CCM2: variants seen among roughly 807,000 people sequenced by gnomAD.
The protein encoded by CCM2 is CCM2 scaffold protein.
Under a neutral mutation model 44.9 loss-of-function variants are expected in CCM2, and 25 were observed. That is an observed-to-expected ratio of 0.56 (90% CI 0.41 to 0.78). The LOEUF is 0.78. CCM2 is among the 30% of genes least tolerant of loss of function. The pLI is 0.00. For synonymous variants in CCM2, 219 were observed against 241.1 expected (o/e 0.91, Z 0.85); for missense variants, 481 against 580.6 (o/e 0.83, Z 1.76).
At chr7:45,020,964 CTG>C (rs1437763428) in intron 1 of CCM2, among the ~76,000 whole-genome samples, 2 of 152,216 alleles carry the variant, frequency 1.3e-5, no homozygotes, top group African/African-American at 4.8e-5. Flanking sequence ...TTAGTGCCCA[CTG>C]TGTAAAGAGC....
chr7:45,070,323 G>C, intron 6 of CCM2: 1 of 385,820 alleles, frequency 2.6e-6, no homozygotes, highest in Non-Finnish European at 5.2e-6. Flanking sequence ...GCTGAGAGTG[G>C]GTCTGGGGAG....
chr7:45,050,583 T>A (rs1343661296), intron 2 of CCM2, among the ~76,000 whole-genome samples: 3 of 152,218 alleles, frequency 2.0e-5, no homozygotes, highest in African/African-American at 7.2e-5. Flanking sequence ...TCTTAAAATG[T>A]TTTCTCATTA....
At chr7:45,014,497 C>T (rs1469406778) in intron 1 of CCM2, among the ~76,000 whole-genome samples, 1 of 152,028 alleles carries the variant, frequency 6.6e-6, no homozygotes, top group Non-Finnish European at 1.5e-5. Context: ...ACTATCTTAA[C>T]CTTTTAATTT....
Position 45,027,526 on chromosome 7 carries a change from A to T in CCM2, c.31-10727A>T. 3 of 1,153,408 alleles carry T rather than the reference A, an allele frequency of 2.6e-6. No individual in the cohort carries two copies. The South Asian group carries it at 4.2e-5, about 16-fold the overall frequency. 71.4% of individuals were successfully genotyped at this position (1,153,408 alleles called of 1,614,324 possible). A position where few individuals can be genotyped will look rare whatever the true frequency, so the allele number is the denominator to read the frequency against. On this transcript the variant is annotated intron_variant, in intron 1 of 9. Coordinates refer to ENST00000258781, the MANE Select transcript of CCM2 (RefSeq NM_031443.4). Reference sequence around the variant, plus strand: ...CTTTTTGTGCATGCAGACTGTTTGGATTTTGCCAACAGTTTCTGGGTGCTG... The same window carrying T: ...CTTTTTGTGCATGCAGACTGTTTGGTTTTTGCCAACAGTTTCTGGGTGCTG...
At chr7:45,000,656 G>A (rs1183949163) in intron 1 of CCM2, among the ~76,000 whole-genome samples, 1 of 152,246 alleles carries the variant, frequency 6.6e-6, no homozygotes, top group Non-Finnish European at 1.5e-5. Flanking sequence ...AGTGGGCCCG[G>A]CGAGGGGCCA....
chr7:45,051,132 G>A (rs911416163), intron 2 of CCM2, among the ~76,000 whole-genome samples: 1 of 152,084 alleles, frequency 6.6e-6, no homozygotes, highest in African/African-American at 2.4e-5. Context: ...CTCACGTTAA[G>A]TTCATTCTAT....
chr7:45,039,165 A>G (rs1289751106), intron 2 of CCM2, among the ~76,000 whole-genome samples: 1 of 152,218 alleles, frequency 6.6e-6, no homozygotes, highest in Non-Finnish European at 1.5e-5. Flanking sequence ...TGGCTCAGCC[A>G]GATGATTAAC....
rs192725770 is a variant in CCM2 at position 45,028,446 on chromosome 7, A to G, written c.31-9807A>G. Among the ~76,000 whole-genome samples the G allele has an allele frequency of 2.5e-3, 378 of 152,282 alleles. 3 individuals carry two copies. Among genetic ancestry groups the G allele is most frequent in the Non-Finnish European group, 1.4e-3 (96 of 68,022 alleles). On this transcript the variant is annotated intron_variant, in intron 1 of 9. Transcript: ENST00000258781. ...GTGGAGGTGGGTGGATCAGGAGGTCAGGAGATCAAGACCATTCTGACTAAC... is the reference window on the plus strand; with the variant it reads ...GTGGAGGTGGGTGGATCAGGAGGTCGGGAGATCAAGACCATTCTGACTAAC...
rs915777151 is a variant in CCM2 at position 45,021,337 on chromosome 7, C to T, written c.31-16916C>T. ...CAGCACTTTGGGAGGCCGAGGCGGG[C>T]GGATCACCTGAGGTCAGGAGTTCAA... On this transcript the variant is annotated intron_variant, in intron 1 of 9. Transcript: ENST00000258781. 2.3e-3 allele frequency among the ~76,000 whole-genome samples: 345 copies of T among 151,960 alleles called. 1 individual carries two copies. Among genetic ancestry groups the T allele is most frequent in the Middle Eastern group, 6.8e-3 (2 of 294 alleles).
chr7:45,033,326 A>T (rs960286026), intron 1 of CCM2, among the ~76,000 whole-genome samples: 1 of 152,198 alleles, frequency 6.6e-6, no homozygotes, highest in East Asian at 1.9e-4. Context: ...GTACATCAAC[A>T]TTAAAATAAC....
rs188436042 is a variant in CCM2, at chr7:45,064,441, G to C, written c.289-22G>C. The C allele has an allele frequency of 4.3e-6, 7 of 1,611,866 alleles. No individual in the cohort carries two copies. In the Admixed American group the frequency reaches 1.2e-4, roughly 27 times the overall value. ...GGTTGACAGCTGAGTCTGTATTTCT[G>C]ATGCCCTGTGGTTCCTTCCAGAGAG... is the stretch of plus-strand genomic sequence containing the variant. On this transcript the variant is annotated intron_variant, in intron 3 of 9. Transcript: ENST00000258781.
intron 1 of CCM2, among the ~76,000 whole-genome samples, chr7:45,020,964 C>T (rs1358354148): frequency 6.6e-6 from 1 of 152,216 alleles, no homozygotes; most frequent in African/African-American, 2.4e-5. Context: ...TTAGTGCCCA[C>T]TGTGTAAAGA....
At chr7:45,066,198 A>G (rs1471962890) in intron 4 of CCM2, among the ~76,000 whole-genome samples, 1 of 152,148 alleles carries the variant, frequency 6.6e-6, no homozygotes, top group Non-Finnish European at 1.5e-5. Flanking sequence ...AAAGGAAGAG[A>G]GTGAATCCCT....
In CCM2 at chr7:45,014,778, A is replaced by C. The variant is rs1289197761; in HGVS notation, c.30+14415A>C. 2.6e-5 allele frequency among the ~76,000 whole-genome samples: 4 copies of C among 151,674 alleles called. No individual in the cohort carries two copies. In the South Asian group the frequency reaches 8.4e-4, roughly 32 times the overall value. ...CTGGGATCACAGGCGTGCACCACCA[A>C]GCCTGTCTAATTTTTGAATTTTTAT... is the stretch of plus-strand genomic sequence containing the variant. On this transcript the variant is annotated intron_variant, in intron 1 of 9. Transcript: ENST00000258781.
intron 2 of CCM2, among the ~76,000 whole-genome samples, chr7:45,060,143 T>A (rs1251828354): frequency 6.6e-6 from 1 of 152,264 alleles, no homozygotes; most frequent in Non-Finnish European, 1.5e-5. Context: ...TCTTGAAATG[T>A]TAAATCCCTG....
chr7:45,047,525 AC>A (rs1797815502), intron 2 of CCM2, among the ~76,000 whole-genome samples: 2 of 152,156 alleles, frequency 1.3e-5, no homozygotes, highest in African/African-American at 2.4e-5. Context: ...TGACAGTGAG[AC>A]CCTGTCTTAA....
At chr7:45,073,887 A>T in intron 8 of CCM2, 1 of 531,962 alleles carries the variant, frequency 1.9e-6, no homozygotes, top group Non-Finnish European at 3.4e-6. Flanking sequence ...TATCCTCCCC[A>T]TCTTATATAG....
chr7:45,062,769 G>A (rs1798583229), intron 2 of CCM2, among the ~76,000 whole-genome samples: 1 of 151,124 alleles, frequency 6.6e-6, no homozygotes. Context: ...AGAGGTTGCA[G>A]TGAGCCAAGA....
At chr7:45,053,443 A>G (rs1798103379) in intron 2 of CCM2, among the ~76,000 whole-genome samples, 1 of 152,200 alleles carries the variant, frequency 6.6e-6, no homozygotes, top group African/African-American at 2.4e-5. Context: ...GTTTATATAT[A>G]GTAAGCAGCA....
Sources: gnomAD v4.1 joint callset for allele counts (sites outside exome capture counted in the v4.1 genomes callset) on GRCh38, gnomAD v4.1.1 for gene constraint, MANE v1.5 for transcripts, NCBI Gene and HGNC (gene_info 2026-07-23, HGNC 2026-07-21) for gene names.